TAF2: variants seen among roughly 807,000 people sequenced by gnomAD.
The protein encoded by TAF2 is TATA-box binding protein associated factor 2.
TAF2 carries 61 observed loss-of-function variants against 138.5 expected under a neutral mutation model. The observed-to-expected ratio is 0.44, with a 90% CI of 0.36 to 0.54. The LOEUF (loss-of-function observed/expected upper bound fraction) is 0.54, where lower values mean the gene tolerates loss of function less well. Among genes scored for constraint, TAF2 ranks in the 20% least tolerant of loss-of-function variants. The pLI is 0.00. For missense variants in TAF2, 1,090 were observed against 1,427.9 expected, an observed-to-expected ratio of 0.76 and a Z score of 3.81; for synonymous variants, 475 against 469.9, an observed-to-expected ratio of 1.01 and a Z score of -0.14.
In TAF2 at chr8:119,742,633, T is replaced by C; in HGVS notation, c.3238A>G (p.Ser1080Gly). ...TPGLSKYRPA[S>G]SRSALIPQHS... The stretch of plus-strand genomic sequence containing the variant: ...TGGGGTATTAAAGCAGATCGGGAGC[T>C]AGCTGGCCGATATTTCGAGAGCCCT... The change falls in exon 25 of 26, where the codon AGC becomes GGC. Residue 1080 changes from serine (S) to glycine (G), a missense_variant. Ser to Gly is a moderately conservative substitution (Grantham distance 56, BLOSUM62 0). Transcript: ENST00000378164. The C allele has an allele frequency of 3.7e-6, 6 of 1,613,702 alleles. No individual in the cohort carries two copies. The highest frequency in any genetic ancestry group is 5.1e-6 in the Non-Finnish European group (6 of 1,179,886).
At chr8:119,791,013 C>A (rs1466637688) in intron 11 of TAF2, among the ~76,000 whole-genome samples, 1 of 151,998 alleles carries the variant, frequency 6.6e-6, no homozygotes, top group Non-Finnish European at 1.5e-5. Context: ...ACTGCCCAGG[C>A]TGGTCTCGAA....
intron 18 of TAF2, among the ~76,000 whole-genome samples, chr8:119,768,452 C>A (rs1265638263): frequency 6.6e-6 from 1 of 151,340 alleles, no homozygotes; most frequent in African/African-American, 2.4e-5. Context: ...CCTTCCTCTA[C>A]CTATTGAAAA....
intron 15 of TAF2, among the ~76,000 whole-genome samples, chr8:119,784,913 T>C (rs1454807415): frequency 6.6e-6 from 1 of 152,158 alleles, no homozygotes; most frequent in African/African-American, 2.4e-5. Context: ...AGCACTGCTC[T>C]AGAGGCCACA....
chr8:119,784,036 A>G (rs1420741711), intron 15 of TAF2, among the ~76,000 whole-genome samples: 1 of 152,204 alleles, frequency 6.6e-6, no homozygotes, highest in African/African-American at 2.4e-5. Context: ...AAAATACTAG[A>G]CTCACGATCG....
chr8:119,754,087 T>A (rs984909362), intron 22 of TAF2, among the ~76,000 whole-genome samples: 1 of 152,092 alleles, frequency 6.6e-6, no homozygotes, highest in Non-Finnish European at 1.5e-5. Context: ...ATAAACTGGT[T>A]TTATGTGTTA....
intron 2 of TAF2, among the ~76,000 whole-genome samples, chr8:119,820,550 A>T (rs1037678797): frequency 6.8e-6 from 1 of 148,012 alleles, no homozygotes; most frequent in African/African-American, 2.5e-5. Flanking sequence ...CTTTTTACAG[A>T]TAAGATAAGA....
At chr8:119,831,986 G>C (rs1033987910) in intron 1 of TAF2, among the ~76,000 whole-genome samples, 3 of 151,874 alleles carry the variant, frequency 2.0e-5, no homozygotes, top group Non-Finnish European at 4.4e-5. Context: ...GAGTGAAACC[G>C]AGTCTCTACT....
At chr8:119,767,817 T>C (rs1821542574) in intron 18 of TAF2, among the ~76,000 whole-genome samples, 1 of 152,194 alleles carries the variant, frequency 6.6e-6, no homozygotes, top group African/African-American at 2.4e-5. Flanking sequence ...TGCCACTGCA[T>C]GTGTATTTTG....
Position 119,778,088 on chromosome 8 carries a change from A to T in TAF2, c.2295T>A (p.Asn765Lys), listed in dbSNP as rs1247625033. ...VAMALLRDVHNLCPKEVLTFI... is the reference protein window; with the variant it reads ...VAMALLRDVHKLCPKEVLTFI... Reference sequence around the variant, plus strand: ...ATGTTAAGACTTCTTTAGGACAAAGATTATGAACATCTCTTAATAAAGCCA... The same window carrying T: ...ATGTTAAGACTTCTTTAGGACAAAGTTTATGAACATCTCTTAATAAAGCCA... Residue 765 changes from asparagine to lysine, a missense_variant, in exon 18 of 26, where the codon AAT becomes AAA. Asn to Lys is a moderately conservative substitution (Grantham distance 94). Transcript: ENST00000378164. 6.2e-7 allele frequency: 1 copy of T among 1,601,838 alleles called. No homozygotes were observed. The highest frequency in any genetic ancestry group is 1.7e-5 in the Admixed American group (1 of 59,640).
At position 119,789,217 on chromosome 8, in the gene TAF2, C is replaced by T. The variant is rs560674278; in HGVS notation, c.1569-313G>A. Reference sequence around the variant, plus strand: ...AAATTCCAAGATACCACTCAAATTGCGCCAACCCCTAATCACATCCACAAG... The same window carrying T: ...AAATTCCAAGATACCACTCAAATTGTGCCAACCCCTAATCACATCCACAAG... On this transcript the variant is annotated intron_variant, in intron 12 of 25. Coordinates refer to ENST00000378164, the MANE Select transcript of TAF2 (RefSeq NM_003184.4). Among the ~76,000 whole-genome samples, 13 of 152,236 alleles carry T rather than the reference C, an allele frequency of 8.5e-5. No individual in the cohort carries two copies. In the South Asian group the frequency reaches 2.7e-3, roughly 32 times the overall value.
At chr8:119,791,583 G>T in intron 10 of TAF2, 124 bp from the exon 11 acceptor site, 1 of 1,080,274 alleles carries the variant, frequency 9.3e-7, no homozygotes, top group Non-Finnish European at 1.3e-6. Context: ...AATTTCCTTA[G>T]TACTAATAAA....
intron 18 of TAF2, among the ~76,000 whole-genome samples, chr8:119,771,322 C>T (rs4871585): frequency 6.6e-6 from 1 of 151,886 alleles, no homozygotes; most frequent in African/African-American, 2.4e-5. Flanking sequence ...TGCAACCTCC[C>T]CGTCCTAGGT....
At chr8:119,823,504 G>A (rs544095214) in intron 2 of TAF2, among the ~76,000 whole-genome samples, 8 of 150,900 alleles carry the variant, frequency 5.3e-5, no homozygotes, top group Non-Finnish European at 8.9e-5. Context: ...CACCATCCAC[G>A]TAAGATATGA....
At chr8:119,807,059 G>T (rs949459625) in intron 3 of TAF2, among the ~76,000 whole-genome samples, 1 of 152,132 alleles carries the variant, frequency 6.6e-6, no homozygotes, top group Non-Finnish European at 1.5e-5. Flanking sequence ...CCCTATCAAT[G>T]TGGCAAAAAA....
chr8:119,795,919 T>C (rs1394000478), intron 8 of TAF2, among the ~76,000 whole-genome samples: 1 of 152,126 alleles, frequency 6.6e-6, no homozygotes, highest in African/African-American at 2.4e-5. Context: ...GCTTCCCTCC[T>C]GCCCAACTCT....
rs1359285223 is a variant in TAF2, at chr8:119,732,131, G to C, written c.3393C>G (p.Leu1131=). Reference sequence around the variant, plus strand: ...CTGTAGATTCCTTAGTAAAGACTGAGAGTGGAGCGCTTGCCGCTGGATGCA... The same window carrying C: ...CTGTAGATTCCTTAGTAAAGACTGACAGTGGAGCGCTTGCCGCTGGATGCA... ...MSMHPAASAP[L]SVFTKESTAS... is the part of the protein sequence containing the mutation. The change falls in exon 26 of 26, where the codon CTC becomes CTG. Residue 1131 remains leucine, a synonymous_variant. Coordinates refer to ENST00000378164, the MANE Select transcript of TAF2 (RefSeq NM_003184.4). 1 of 1,614,180 alleles carries C rather than the reference G, an allele frequency of 6.2e-7. No homozygotes were observed. Among genetic ancestry groups the C allele is most frequent in the Admixed American group, 1.7e-5 (1 of 60,020 alleles).
intron 22 of TAF2, among the ~76,000 whole-genome samples, 198 bp from the exon 23 acceptor site, chr8:119,747,132 C>T (rs1820033776): frequency 6.6e-6 from 1 of 152,100 alleles, no homozygotes; most frequent in Non-Finnish European, 1.5e-5. Flanking sequence ...TTAATTCTTC[C>T]TTTTTATTCT....
At chr8:119,780,998 C>A in intron 17 of TAF2, 55 bp downstream of exon 17, 1 of 1,548,142 alleles carries the variant, frequency 6.5e-7, no homozygotes, top group Non-Finnish European at 8.8e-7. Flanking sequence ...TGAACAGTCT[C>A]CAACTTAAAC....
Position 119,793,453 on chromosome 8 carries a change from TA to T in TAF2, c.1192-3del, listed in dbSNP as rs780839939. ...ATATGCCACTATTTTGTCTAGCTCC[TA>T]AAAAATATATAAAAATAGGAGTCAG... On this transcript the variant is annotated splice_region_variant and splice_polypyrimidine_tract_variant and intron_variant, in intron 9 of 25. Transcript: ENST00000378164. 3 of 1,607,834 alleles carry T rather than the reference TA, an allele frequency of 1.9e-6. No individual in the cohort carries two copies. In the South Asian group the frequency reaches 3.3e-5, roughly 18 times the overall value.
Sources: gnomAD v4.1 joint callset for allele counts (sites outside exome capture counted in the v4.1 genomes callset) on GRCh38, gnomAD v4.1.1 for gene constraint, MANE v1.5 for transcripts, NCBI Gene and HGNC (gene_info 2026-07-23, HGNC 2026-07-21) for gene names.